Variants in DAPK1 observed in about 807,000 individuals in gnomAD.
DAPK1 encodes the protein death-associated protein kinase 1.
A neutral mutation model predicts 144.9 loss-of-function variants in DAPK1; 56 were observed. The observed-to-expected ratio is 0.39, with a 90% confidence interval of 0.31 to 0.48. The LOEUF is 0.48. DAPK1 is among the 20% of genes least tolerant of loss of function. The pLI is 0.95. For missense variants in DAPK1, 1,454 were observed against 1,875.4 expected (o/e 0.78, Z 4.15); for synonymous variants, 690 against 749.0 (o/e 0.92, Z 1.29).
intron 3 of DAPK1, among the ~76,000 whole-genome samples, chr9:87,637,052 A>T (rs2119119913): frequency 6.6e-6 from 1 of 152,260 alleles, no homozygotes; most frequent in Non-Finnish European, 1.5e-5. Flanking sequence ...AACTAAAAAA[A>T]TCCGCAACCA....
At chr9:87,689,638 G>T (rs1242252897) in intron 21 of DAPK1, among the ~76,000 whole-genome samples, 2 of 151,996 alleles carry the variant, frequency 1.3e-5, no homozygotes, top group African/African-American at 4.8e-5. Context: ...TATAATTTAG[G>T]GTATACATTT....
At chr9:87,696,320 G>T (rs7855024) in intron 21 of DAPK1, among the ~76,000 whole-genome samples, 20,937 of 152,234 alleles carry the variant, frequency 0.14, 1,992 homozygotes, top group East Asian at 0.43. Flanking sequence ...CTTAGGGAAA[G>T]AGTTAAGCAG....
At chr9:87,670,570 A>G (rs965915941) in intron 19 of DAPK1, among the ~76,000 whole-genome samples, 1 of 152,096 alleles carries the variant, frequency 6.6e-6, no homozygotes, top group Non-Finnish European at 1.5e-5. Context: ...CCACACAGAG[A>G]GGCTGCAAAC....
At chr9:87,596,235 C>G (rs967876198) in intron 2 of DAPK1, among the ~76,000 whole-genome samples, 1 of 152,172 alleles carries the variant, frequency 6.6e-6, no homozygotes, top group Admixed American at 6.5e-5. Flanking sequence ...GTTTCCTCTT[C>G]ACACGCATTC....
intron 19 of DAPK1, among the ~76,000 whole-genome samples, chr9:87,679,270 G>A (rs112939038): frequency 3.5e-4 from 53 of 152,224 alleles, no homozygotes; most frequent in African/African-American, 1.2e-3. Context: ...CACACATGGT[G>A]GGAAGAAGCA....
chr9:87,606,864 G>A (rs1369487066), intron 3 of DAPK1, among the ~76,000 whole-genome samples: 2 of 144,566 alleles, frequency 1.4e-5, no homozygotes, highest in Non-Finnish European at 3.0e-5. Context: ...CTCAATCTTG[G>A]CACAAGTGAC....
chr9:87,703,589 C>T (rs187386523), intron 25 of DAPK1, among the ~76,000 whole-genome samples: 125 of 152,254 alleles, frequency 8.2e-4, no homozygotes, highest in African/African-American at 3.0e-3. Context: ...AGCGTGGAGT[C>T]ATCAGCTCCA....
chr9:87,646,435 A>G lies in DAPK1; in HGVS notation c.1132-26A>G, dbSNP rs371900492. 2.4e-4 allele frequency: 374 copies of G among 1,552,348 alleles called. 1 individual carries two copies. The highest frequency in any genetic ancestry group is 3.1e-4 in the Non-Finnish European group (350 of 1,126,082). ...TCCTTTCCTACCAAACCTGAAAATT[A>G]GTAATTTTTTTCTTGCCTATTCTAG... On this transcript the variant is annotated intron_variant, in intron 12 of 25. Transcript: ENST00000408954.
chr9:87,673,280 TG>T (rs1824244261), intron 19 of DAPK1, among the ~76,000 whole-genome samples: 2 of 152,314 alleles, frequency 1.3e-5, no homozygotes, highest in South Asian at 4.1e-4. Context: ...GGTCTGTATC[TG>T]GGACAGCTGA....
At chr9:87,565,750 T>C (rs1208014087) in intron 2 of DAPK1, among the ~76,000 whole-genome samples, 1 of 152,228 alleles carries the variant, frequency 6.6e-6, no homozygotes, top group Non-Finnish European at 1.5e-5. Context: ...TCATCCTGTT[T>C]CCACTGCTAC....
intron 2 of DAPK1, among the ~76,000 whole-genome samples, chr9:87,528,662 C>T (rs903509975): frequency 2.0e-5 from 3 of 151,886 alleles, no homozygotes; most frequent in African/African-American, 7.3e-5. Context: ...TCACCTCCGA[C>T]TCCTGAGCTC....
intron 25 of DAPK1, 138 bp downstream of exon 25, chr9:87,703,355 ACGTG>A: frequency 1.7e-6 from 1 of 604,038 alleles, no homozygotes; most frequent in Admixed American, 2.8e-5. Flanking sequence ...ACATTTCCAC[ACGTG>A]TGACAAACAC....
At chr9:87,662,919 C>T (rs879639502) in intron 18 of DAPK1, among the ~76,000 whole-genome samples, 31 of 151,992 alleles carry the variant, frequency 2.0e-4, no homozygotes, top group Non-Finnish European at 3.1e-4. Flanking sequence ...GCCCTCACAG[C>T]GCATCCTTAC....
chr9:87,683,077 T>TTTTATTTA (rs201331358), intron 20 of DAPK1, among the ~76,000 whole-genome samples: 1 of 108,124 alleles, frequency 9.2e-6, no homozygotes, highest in African/African-American at 3.0e-5. Flanking sequence ...AAAAAATTTA[T>TTTTATTTA]TTTATTTATT....
intron 2 of DAPK1, among the ~76,000 whole-genome samples, chr9:87,600,499 G>A (rs1828477450): frequency 1.3e-5 from 2 of 152,148 alleles, no homozygotes; most frequent in Non-Finnish European, 1.5e-5. Context: ...AGGCCAAGGT[G>A]GGAGGATTGC....
chr9:87,551,521 G>A lies in DAPK1; in HGVS notation c.62+52382G>A, dbSNP rs539067594. On this transcript the variant is annotated intron_variant, in intron 2 of 25. Transcript: ENST00000408954. The stretch of plus-strand genomic sequence containing the variant: ...ATGAAGTCCTTAAAGGCTGAGATCC[G>A]GTCACCTGGACCAGTAAGGAAGTGG... 3.9e-5 allele frequency among the ~76,000 whole-genome samples: 6 copies of A among 152,286 alleles called. 1 individual carries two copies. In the South Asian group the frequency reaches 1.0e-3, roughly 26 times the overall value.
At chr9:87,617,988 C>T (rs1829161004) in intron 3 of DAPK1, among the ~76,000 whole-genome samples, 1 of 152,224 alleles carries the variant, frequency 6.6e-6, no homozygotes, top group African/African-American at 2.4e-5. Context: ...CCTGCAGGCT[C>T]TGCCACAGAA....
intron 2 of DAPK1, among the ~76,000 whole-genome samples, chr9:87,532,249 T>C (rs943019913): frequency 5.3e-5 from 8 of 152,262 alleles, no homozygotes; most frequent in Non-Finnish European, 1.2e-4. Context: ...TTTAAATGAT[T>C]GGAAAAGATT....
At chr9:87,517,980 T>C (rs1825124895) in intron 2 of DAPK1, among the ~76,000 whole-genome samples, 1 of 152,130 alleles carries the variant, frequency 6.6e-6, no homozygotes, top group African/African-American at 2.4e-5. Flanking sequence ...CATGGGTGCC[T>C]GGGTCCCAAT....
Sources: allele counts gnomAD v4.1 joint callset (sites outside exome capture counted in the v4.1 genomes callset), GRCh38; gene constraint gnomAD v4.1.1; transcripts MANE v1.5; gene names NCBI Gene and HGNC (gene_info 2026-07-23, HGNC 2026-07-21).